The following CHSY3 variants were observed in gnomAD, a reference collection of about 807,000 sequenced individuals.
The protein encoded by CHSY3 is chondroitin sulfate synthase 3.
Under a neutral mutation model 67.2 loss-of-function variants are expected in CHSY3, and 35 were observed. That is an observed-to-expected ratio of 0.52 (90% CI 0.40 to 0.69). CHSY3 has a LOEUF of 0.69. CHSY3 is among the 30% of genes least tolerant of loss of function. The probability of loss-of-function intolerance (pLI) is 0.00; values close to 1 mark genes in which losing one functional copy is unlikely to be tolerated. For synonymous variants in CHSY3, 474 were observed against 434.7 expected (o/e 1.09, Z -1.12); for missense variants, 1,069 against 1,138.5 (o/e 0.94, Z 0.88).
chr5:129,985,765 G>C (rs1181122372), intron 2 of CHSY3, among the ~76,000 whole-genome samples: 2 of 151,960 alleles, frequency 1.3e-5, no homozygotes, highest in African/African-American at 4.8e-5. Context: ...CTATTCCTAG[G>C]TATCTTCTCT....
At chr5:130,015,956 AT>A (rs1764208231) in intron 2 of CHSY3, among the ~76,000 whole-genome samples, 2 of 152,254 alleles carry the variant, frequency 1.3e-5, no homozygotes, top group Admixed American at 1.3e-4. Flanking sequence ...GCTGGCGGCC[AT>A]TATCTTAAGT....
chr5:130,171,702 G>A (rs1010865117), intron 2 of CHSY3, among the ~76,000 whole-genome samples: 7 of 152,152 alleles, frequency 4.6e-5, no homozygotes, highest in African/African-American at 1.4e-4. Context: ...TAAAAAAAAT[G>A]AAACAGGAAA....
In CHSY3 at chr5:130,027,252, T is replaced by C. The variant is rs562141513; in HGVS notation, c.1086+118892T>C. On this transcript the variant is annotated intron_variant, in intron 2 of 2. Transcript: ENST00000305031. Reference sequence around the variant, plus strand: ...GCATATAAAGGATTTACTCTTTCATTTGATATCTAGAAATGCCCAAACCCT... The same window carrying C: ...GCATATAAAGGATTTACTCTTTCATCTGATATCTAGAAATGCCCAAACCCT... Among the ~76,000 whole-genome samples the C allele has an allele frequency of 2.6e-5, 4 of 152,266 alleles. No homozygotes were observed. In the South Asian group the frequency reaches 8.3e-4, roughly 32 times the overall value.
intron 2 of CHSY3, among the ~76,000 whole-genome samples, chr5:129,941,447 G>A (rs1761696249): frequency 1.3e-5 from 2 of 152,054 alleles, no homozygotes; most frequent in Admixed American, 1.3e-4. Context: ...TTTAATGGTA[G>A]ACAGATTTAT....
chr5:129,924,168 A>C (rs186688802), intron 2 of CHSY3, among the ~76,000 whole-genome samples: 1 of 152,234 alleles, frequency 6.6e-6, no homozygotes, highest in East Asian at 1.9e-4. Context: ...ATAATGAAAA[A>C]TCAATTTCTG....
At chr5:130,104,232 A>G (rs1161330697) in intron 2 of CHSY3, among the ~76,000 whole-genome samples, 1 of 151,912 alleles carries the variant, frequency 6.6e-6, no homozygotes, top group Non-Finnish European at 1.5e-5. Flanking sequence ...GAATGCATCT[A>G]TGAAAATTTC....
chr5:129,965,621 C>T (rs1027826817), intron 2 of CHSY3, among the ~76,000 whole-genome samples: 17 of 151,746 alleles, frequency 1.1e-4, no homozygotes, highest in African/African-American at 2.9e-4. Flanking sequence ...TTTGTTGAAA[C>T]GAGATAATTG....
chr5:130,184,575 C>A lies in CHSY3; in HGVS notation c.1433C>A (p.Ala478Asp). 5 of 1,612,254 alleles carry A rather than the reference C, an allele frequency of 3.1e-6. No individual in the cohort carries two copies. The highest frequency in any genetic ancestry group is 1.3e-5 in the African/African-American group (1 of 74,990). Residue 478 changes from alanine to aspartate, a missense_variant, in exon 3 of 3, where the codon GCT (alanine) becomes GAT (aspartate). Ala to Asp is a moderately radical substitution (Grantham distance 126, BLOSUM62 -2). Around this residue, in one of 5 missense-constraint regions of CHSY3, gnomAD observed 401 missense variants for 395.2 expected, o/e 1.01. Transcript: ENST00000305031. ...FLTGKLLYSAAENQPPRQSLS... is the reference protein window; with the variant it reads ...FLTGKLLYSADENQPPRQSLS... ...ACAGGGAAGCTTCTATACTCAGCAGCTGAGAACCAGCCCCCTCGACAGAGC... is the reference window on the plus strand; with the variant it reads ...ACAGGGAAGCTTCTATACTCAGCAGATGAGAACCAGCCCCCTCGACAGAGC...
At chr5:130,143,146 C>G (rs1265927257) in intron 2 of CHSY3, among the ~76,000 whole-genome samples, 4 of 152,098 alleles carry the variant, frequency 2.6e-5, no homozygotes, top group Admixed American at 2.6e-4. Context: ...GGATAAAAGC[C>G]TAGTGATTGC....
chr5:130,063,070 A>G (rs1001408054), intron 2 of CHSY3, among the ~76,000 whole-genome samples: 5 of 152,096 alleles, frequency 3.3e-5, no homozygotes, highest in East Asian at 3.9e-4. Context: ...TTGGTCTTCT[A>G]TATTAAATGG....
Position 130,185,703 on chromosome 5 carries a change from A to G in CHSY3, c.2561A>G (p.Lys854Arg). 6.2e-7 allele frequency: 1 copy of G among 1,613,910 alleles called. No individual in the cohort carries two copies. The highest frequency in any genetic ancestry group is 8.5e-7 in the Non-Finnish European group (1 of 1,179,892). The change falls in exon 3 of 3, where the codon AAG becomes AGG. Residue 854 changes from lysine (K) to arginine (R), a missense_variant. Physicochemically the swap from Lys to Arg is conservative, Grantham distance 26. Coordinates refer to ENST00000305031, the MANE Select transcript of CHSY3 (RefSeq NM_175856.5). ...CAGTATAAGATGTGCTTAGGATCCA[A>G]GGCAAGTACTTTCGCCTCAACCATG... ...PKQYKMCLGS[K>R]ASTFASTMQL...
intron 2 of CHSY3, among the ~76,000 whole-genome samples, chr5:130,124,745 A>T (rs2149710606): frequency 6.6e-6 from 1 of 152,362 alleles, no homozygotes; most frequent in South Asian, 2.1e-4. Flanking sequence ...GGCGTGAGCC[A>T]CTGCTCCCAG....
chr5:129,925,527 A>G (rs970481901), intron 2 of CHSY3, among the ~76,000 whole-genome samples: 1 of 152,180 alleles, frequency 6.6e-6, no homozygotes, highest in Non-Finnish European at 1.5e-5. Flanking sequence ...GGCTGAATCA[A>G]GCTAATTAGC....
At chr5:129,974,060 A>G (rs1762722524) in intron 2 of CHSY3, among the ~76,000 whole-genome samples, 1 of 152,130 alleles carries the variant, frequency 6.6e-6, no homozygotes, top group Admixed American at 6.6e-5. Flanking sequence ...ATAATTGTAA[A>G]AATAGCCTAT....
At chr5:130,116,271 C>A (rs1392424296) in intron 2 of CHSY3, among the ~76,000 whole-genome samples, 1 of 152,182 alleles carries the variant, frequency 6.6e-6, no homozygotes, top group Non-Finnish European at 1.5e-5. Context: ...CACAAAAAAA[C>A]GTGGCAAGGA....
intron 2 of CHSY3, among the ~76,000 whole-genome samples, chr5:130,171,057 G>A (rs980752770): frequency 3.9e-5 from 6 of 152,102 alleles, no homozygotes; most frequent in Non-Finnish European, 7.4e-5. Flanking sequence ...ACTTGCAAAC[G>A]TAATATTCTT....
chr5:129,946,806 A>T (rs185551838), intron 2 of CHSY3, among the ~76,000 whole-genome samples: 1 of 152,280 alleles, frequency 6.6e-6, no homozygotes, highest in East Asian at 1.9e-4. Flanking sequence ...TATACTTGAC[A>T]CATTTTATTC....
At chr5:130,007,061 A>T (rs184723524) in intron 2 of CHSY3, among the ~76,000 whole-genome samples, 1 of 152,220 alleles carries the variant, frequency 6.6e-6, no homozygotes, top group Non-Finnish European at 1.5e-5. Flanking sequence ...TGGACCACAC[A>T]TTGAGTAATA....
At chr5:130,164,751 G>A (rs1017514386) in intron 2 of CHSY3, among the ~76,000 whole-genome samples, 6 of 152,076 alleles carry the variant, frequency 3.9e-5, no homozygotes, top group African/African-American at 7.2e-5. Context: ...GAAAATTCCC[G>A]AGTTTGTTAA....
Sources: allele counts gnomAD v4.1 joint callset (sites outside exome capture counted in the v4.1 genomes callset), GRCh38; gene constraint gnomAD v4.1.1; regional missense constraint gnomAD v4.1.1; transcripts MANE v1.5; gene names NCBI Gene and HGNC (gene_info 2026-07-23, HGNC 2026-07-21).